ZNF530: variants seen among roughly 807,000 people sequenced by gnomAD.
The protein encoded by ZNF530 is zinc finger protein 530.
A neutral mutation model predicts 2.8 loss-of-function variants in ZNF530; 5 were observed. The observed-to-expected ratio is 1.80, with a 90% confidence interval of 0.94 to 3.78. ZNF530 has a LOEUF of 3.78. Ranked by LOEUF, ZNF530 falls within the 30% of genes most tolerant of loss-of-function variation. The probability of loss-of-function intolerance (pLI) is 0.00; values close to 1 mark genes in which losing one functional copy is unlikely to be tolerated. For missense variants in ZNF530, 619 were observed against 673.3 expected (o/e 0.92, Z 0.89); for synonymous variants, 229 against 235.0 (o/e 0.97, Z 0.23).
intron 2 of ZNF530, among the ~76,000 whole-genome samples, chr19:57,602,679 T>C (rs775360981): frequency 5.3e-5 from 8 of 152,132 alleles, no homozygotes; most frequent in Non-Finnish European, 1.2e-4. Context: ...GAATATAAGA[T>C]GGATGTGGAG....
At chr19:57,600,174 C>T (rs1208992012) in intron 1 of ZNF530, 40 bp downstream of exon 1, 1 of 1,550,004 alleles carries the variant, frequency 6.5e-7, no homozygotes, top group African/African-American at 1.4e-5. Context: ...GCCCTCCCCA[C>T]CCGAAACTGA....
chr19:57,605,506 T>C (rs1980462715), intron 3 of ZNF530, 180 bp from the exon 4 acceptor site: 1 of 577,792 alleles, frequency 1.7e-6, no homozygotes, highest in Admixed American at 3.4e-5. Flanking sequence ...CCCATCTTTG[T>C]GTCTTTCATC....
chr19:57,600,113 G>C lies in ZNF530; in HGVS notation c.-143G>C. 1 of 1,564,752 alleles carries C rather than the reference G, an allele frequency of 6.4e-7. No homozygotes were observed. The highest frequency in any genetic ancestry group is 8.7e-7 in the Non-Finnish European group (1 of 1,153,738). The stretch of plus-strand genomic sequence containing the variant: ...GCTCCGCCCAGAGTCCGATGGCGGC[G>C]GCACTGAGGGCCCCGACCCAGGTGA... On this transcript the variant is annotated 5_prime_UTR_variant, in exon 1 of 4. Coordinates refer to ENST00000597700, the MANE Select transcript of ZNF530 (RefSeq NM_001321981.2).
At chr19:57,603,884 G>A (rs1434667719) in intron 2 of ZNF530, among the ~76,000 whole-genome samples, 2 of 152,222 alleles carry the variant, frequency 1.3e-5, no homozygotes, top group Admixed American at 6.5e-5. Flanking sequence ...GGCTGAGGGA[G>A]TGAGTTGGGT....
rs1204641289 is a variant in ZNF530 at position 57,603,893 on chromosome 19, G to GT, written c.-69-383dup. Among the ~76,000 whole-genome samples, 6 of 152,324 alleles carry GT rather than the reference G, an allele frequency of 3.9e-5. 1 individual carries two copies. The East Asian group carries it at 5.8e-4, about 15-fold the overall frequency. ...GGAGGTGGCTGAGGGAGTGAGTTGG[G>GT]TAAGAGAGGTGTGGTGGAAAGAGTG... On this transcript the variant is annotated intron_variant, in intron 2 of 3. Coordinates refer to ENST00000597700, the MANE Select transcript of ZNF530 (RefSeq NM_001321981.2).
Position 57,605,716 on chromosome 19 carries a change from C to A in ZNF530, c.92C>A (p.Thr31Lys). ...GCWCGAVDEG[T>K]PSAESVSVEE... Reference sequence around the variant, plus strand: ...TGGTGTGGAGCAGTAGATGAGGGGACGCCTTCTGCAGAGAGCGTTTCTGTG... The same window carrying A: ...TGGTGTGGAGCAGTAGATGAGGGGAAGCCTTCTGCAGAGAGCGTTTCTGTG... Residue 31 changes from threonine (T) to lysine (K), a missense_variant, in exon 4 of 4, where the codon ACG becomes AAG. Coordinates refer to ENST00000597700, the MANE Select transcript of ZNF530 (RefSeq NM_001321981.2). 6.2e-7 allele frequency: 1 copy of A among 1,611,490 alleles called. No individual in the cohort carries two copies. Among genetic ancestry groups the A allele is most frequent in the Non-Finnish European group, 8.5e-7 (1 of 1,178,284 alleles).
chr19:57,607,396 G>A lies in ZNF530; in HGVS notation c.*71G>A. The A allele has an allele frequency of 7.0e-7, 1 of 1,431,484 alleles. No individual in the cohort carries two copies. The allele number at this position is 1,431,484 out of a possible 1,614,324, so 88.7% of individuals were successfully genotyped here. A position where few individuals can be genotyped will look rare whatever the true frequency, so the allele number is the denominator to read the frequency against. Reference sequence around the variant, plus strand: ...AATTTTGCTCGTCACCCAGGCTGGAGTGCAATTGTGCAATCTCAGCTCACT... The same window carrying A: ...AATTTTGCTCGTCACCCAGGCTGGAATGCAATTGTGCAATCTCAGCTCACT... On this transcript the variant is annotated 3_prime_UTR_variant, in exon 4 of 4. Transcript: ENST00000597700.
At chr19:57,600,319 T>C (rs1027856902) in intron 1 of ZNF530, among the ~76,000 whole-genome samples, 185 bp downstream of exon 1, 1 of 152,120 alleles carries the variant, frequency 6.6e-6, no homozygotes, top group Non-Finnish European at 1.5e-5. Context: ...GGGCAACAGC[T>C]TGGAGCTGCG....
chr19:57,607,608 G>C lies in ZNF530; in HGVS notation c.*283G>C. The C allele has an allele frequency of 5.4e-6, 2 of 367,262 alleles. No individual in the cohort carries two copies. Among genetic ancestry groups the C allele is most frequent in the Non-Finnish European group, 9.9e-6 (2 of 202,824 alleles). 22.8% of individuals were successfully genotyped at this position (367,262 alleles called of 1,614,324 possible). On this transcript the variant is annotated 3_prime_UTR_variant, in exon 4 of 4. Transcript: ENST00000597700. Reference sequence around the variant, plus strand: ...AATCCACCTGCTTCAGCCTACCAAAGTGCTGGGATTACAGGCGTGAGCCAC... The same window carrying C: ...AATCCACCTGCTTCAGCCTACCAAACTGCTGGGATTACAGGCGTGAGCCAC...
intron 2 of ZNF530, 36 bp from the exon 3 acceptor site, chr19:57,604,241 A>G: frequency 6.2e-7 from 1 of 1,613,042 alleles, no homozygotes; most frequent in Non-Finnish European, 8.5e-7. Context: ...GTCCTAGGAA[A>G]GATGCTGACC....
Position 57,607,020 on chromosome 19 carries a change from T to C in ZNF530, c.1396T>C (p.Ser466Pro), listed in dbSNP as rs868210888. ...TTATGAGTGCAGTGTATGTGGGAAA[T>C]CTTTTATCCGAAAAACCCACCTCAT... is the stretch of plus-strand genomic sequence containing the variant. ...RPYECSVCGKSFIRKTHLIRH... is the reference protein window; with the variant it reads ...RPYECSVCGKPFIRKTHLIRH... The change falls in exon 4 of 4, where the codon TCT becomes CCT. Residue 466 changes from serine (S) to proline (P), a missense_variant. By Grantham distance (74) the Ser-to-Pro change is moderately conservative. Transcript: ENST00000597700. 2 of 1,613,020 alleles carry C rather than the reference T, an allele frequency of 1.2e-6. No individual in the cohort carries two copies. The highest frequency in any genetic ancestry group is 2.2e-5 in the East Asian group (1 of 44,876).
intron 2 of ZNF530, 30 bp from the exon 3 acceptor site, chr19:57,604,247 T>C: frequency 6.2e-7 from 1 of 1,613,410 alleles, no homozygotes; most frequent in Non-Finnish European, 8.5e-7. Flanking sequence ...GGAAAGATGC[T>C]GACCATGGAA....
chr19:57,602,667 G>A (rs1980301323), intron 2 of ZNF530, among the ~76,000 whole-genome samples: 1 of 152,198 alleles, frequency 6.6e-6, no homozygotes, highest in African/African-American at 2.4e-5. Context: ...TGAAGGATGA[G>A]TGAATATAAG....
At chr19:57,602,682 A>G (rs1980302726) in intron 2 of ZNF530, among the ~76,000 whole-genome samples, 2 of 152,308 alleles carry the variant, frequency 1.3e-5, no homozygotes, top group African/African-American at 4.8e-5. Context: ...TATAAGATGG[A>G]TGTGGAGGCT....
Position 57,604,406 on chromosome 19 carries a change from G to T in ZNF530, c.61G>T (p.Gly21Cys), listed in dbSNP as rs764304321. ...GAACTTTGCAGTTATGGCATCCCTA[G>T]GTAAGGCCCTCCTATTCCTCCCAGT... ...LENFAVMASLGCWCGAVDEGT... is the reference protein window; with the variant it reads ...LENFAVMASLCCWCGAVDEGT... The change falls in exon 3 of 4, where the codon GGT becomes TGT. Residue 21 changes from glycine (G) to cysteine (C), a missense_variant and splice_region_variant. Physicochemically the swap from Gly to Cys is radical, Grantham distance 159. Transcript: ENST00000597700. The T allele has an allele frequency of 8.7e-6, 14 of 1,613,112 alleles. No individual in the cohort carries two copies. Among genetic ancestry groups the T allele is most frequent in the Non-Finnish European group, 1.1e-5 (13 of 1,179,448 alleles).
rs1302636565 is a variant in ZNF530, at chr19:57,607,099, G to A, written c.1475G>A (p.Gly492Glu). Reference sequence around the variant, plus strand: ...AGGCCTTATGAGTGCGATGAATGTGGGAAATCCTATAGCCAAAGCTCTGCC... The same window carrying A: ...AGGCCTTATGAGTGCGATGAATGTGAGAAATCCTATAGCCAAAGCTCTGCC... ...NERPYECDEC[G>E]KSYSQSSALL... Residue 492 changes from glycine (G) to glutamate (E), a missense_variant, in exon 4 of 4, where the codon GGG (glycine) becomes GAG (glutamate). Gly to Glu is a moderately conservative substitution (Grantham distance 98, BLOSUM62 -2). Coordinates refer to ENST00000597700, the MANE Select transcript of ZNF530 (RefSeq NM_001321981.2). 6.2e-7 allele frequency: 1 copy of A among 1,613,184 alleles called. No homozygotes were observed. The highest frequency in any genetic ancestry group is 1.3e-5 in the African/African-American group (1 of 74,526).
intron 2 of ZNF530, among the ~76,000 whole-genome samples, chr19:57,602,653 G>C (rs1599932645): frequency 6.6e-6 from 1 of 152,286 alleles, no homozygotes; most frequent in Non-Finnish European, 1.5e-5. Flanking sequence ...GTGGCCAAGG[G>C]TTATGAAGGA....
intron 2 of ZNF530, 122 bp from the exon 3 acceptor site, chr19:57,604,155 C>CAT: frequency 7.2e-7 from 1 of 1,380,800 alleles, no homozygotes. Flanking sequence ...GGCATCAGGG[C>CAT]CTGTTGTATT....
In ZNF530 at chr19:57,606,995, T is replaced by G; in HGVS notation, c.1371T>G (p.Pro457=). 1.2e-6 allele frequency: 2 copies of G among 1,614,160 alleles called. No homozygotes were observed. The highest frequency in any genetic ancestry group is 2.7e-5 in the African/African-American group (2 of 75,062). Residue 457 remains proline, a synonymous_variant, in exon 4 of 4, where the codon CCT becomes CCG. Transcript: ENST00000597700. ...AGACAGTTCACACTGGAGAAAGGCC[T>G]TATGAGTGCAGTGTATGTGGGAAAT... The part of the protein sequence containing the change: ...RHQTVHTGER[P]YECSVCGKSF...
Sources: gnomAD v4.1 joint callset for allele counts (sites outside exome capture counted in the v4.1 genomes callset) on GRCh38, gnomAD v4.1.1 for gene constraint, MANE v1.5 for transcripts, NCBI Gene and HGNC (gene_info 2026-07-23, HGNC 2026-07-21) for gene names.